Variants in IFT43 observed in about 807,000 individuals in gnomAD.
IFT43 encodes the protein intraflagellar transport protein 43 homolog.
A neutral mutation model predicts 32.3 loss-of-function variants in IFT43; 33 were observed. The observed-to-expected ratio is 1.02, with a 90% CI of 0.77 to 1.37. The LOEUF is 1.37. IFT43 is among the 40% of genes most tolerant of loss of function. IFT43 has a pLI of 0.00. For synonymous variants in IFT43, 93 were observed against 98.2 expected (o/e 0.95, Z 0.31); for missense variants, 274 against 265.9 (o/e 1.03, Z -0.21).
intron 3 of IFT43, among the ~76,000 whole-genome samples, chr14:76,030,801 A>C (rs2036496254): frequency 6.6e-6 from 1 of 151,986 alleles, no homozygotes; most frequent in South Asian, 2.1e-4. Flanking sequence ...TTCAATTTTA[A>C]GGTTTTTAAA....
At chr14:76,011,351 T>A (rs1566706135) in intron 2 of IFT43, among the ~76,000 whole-genome samples, 1 of 152,212 alleles carries the variant, frequency 6.6e-6, no homozygotes, top group African/African-American at 2.4e-5. Context: ...ATTTGTAAAC[T>A]GGAAATCAAA....
At chr14:76,020,147 G>T (rs541480382) in intron 2 of IFT43, among the ~76,000 whole-genome samples, 3 of 151,958 alleles carry the variant, frequency 2.0e-5, no homozygotes, top group Non-Finnish European at 4.4e-5. Context: ...GCTAATTTTT[G>T]TATTTTTAGT....
chr14:76,059,481 A>G, intron 5 of IFT43, 108 bp downstream of exon 5: 1 of 1,089,976 alleles, frequency 9.2e-7, no homozygotes, highest in East Asian at 2.4e-5. Flanking sequence ...AGACATTTGC[A>G]GTGGTCTTCT....
chr14:76,028,310 T>C (rs2036443303), intron 3 of IFT43, among the ~76,000 whole-genome samples: 1 of 152,208 alleles, frequency 6.6e-6, no homozygotes. Context: ...CTTGCCTGAA[T>C]CAGTTATTAT....
intron 2 of IFT43, among the ~76,000 whole-genome samples, chr14:75,999,251 A>AAATTCATTT (rs57696977): frequency 0.23 from 3,283 of 14,224 alleles, 64 homozygotes; most frequent in Non-Finnish European, 0.27. Flanking sequence ...ATATATATAT[A>AAATTCATTT]TATATATATA....
At chr14:76,056,719 C>T (rs1281698100) in intron 3 of IFT43, among the ~76,000 whole-genome samples, 1 of 152,090 alleles carries the variant, frequency 6.6e-6, no homozygotes, top group East Asian at 1.9e-4. Flanking sequence ...CTGTGTCATT[C>T]GGACAATGGG....
intron 5 of IFT43, among the ~76,000 whole-genome samples, chr14:76,060,855 TTCC>T (rs1178077556): frequency 3.6e-5 from 5 of 140,396 alleles, no homozygotes; most frequent in African/African-American, 5.3e-5. Context: ...CCTTCCTTCC[TTCC>T]TTCTTTTCTT....
At chr14:76,051,464 A>G (rs766830147) in intron 3 of IFT43, among the ~76,000 whole-genome samples, 41 of 151,972 alleles carry the variant, frequency 2.7e-4, no homozygotes, top group Non-Finnish European at 5.9e-5. Flanking sequence ...CAAGATGACA[A>G]TGGCAGATTT....
At chr14:76,039,742 C>T (rs907648055) in intron 3 of IFT43, among the ~76,000 whole-genome samples, 1 of 151,994 alleles carries the variant, frequency 6.6e-6, no homozygotes, top group African/African-American at 2.4e-5. Flanking sequence ...CTCTCCCTTC[C>T]TGACTTTCTC....
intron 2 of IFT43, among the ~76,000 whole-genome samples, chr14:76,016,066 G>A (rs758755409): frequency 7.2e-5 from 11 of 152,146 alleles, no homozygotes; most frequent in Non-Finnish European, 1.3e-4. Context: ...GCATATTCTG[G>A]ATGCTCGTTT....
intron 3 of IFT43, among the ~76,000 whole-genome samples, chr14:76,036,218 A>G (rs1415849831): frequency 1.3e-5 from 2 of 152,162 alleles, no homozygotes; most frequent in Non-Finnish European, 2.9e-5. Context: ...TCTGATATCC[A>G]GGTCATATTG....
intron 3 of IFT43, among the ~76,000 whole-genome samples, chr14:76,054,979 G>T (rs2036983562): frequency 6.6e-6 from 1 of 152,216 alleles, no homozygotes; most frequent in African/African-American, 2.4e-5. Flanking sequence ...GTGGACTGTG[G>T]TAGACTACTG....
At chr14:76,081,063 T>C (rs1469916209) in intron 5 of IFT43, among the ~76,000 whole-genome samples, 1 of 152,222 alleles carries the variant, frequency 6.6e-6, no homozygotes, top group East Asian at 1.9e-4. Context: ...ATGCTCTCTT[T>C]TTCCAGGTAC....
intron 2 of IFT43, among the ~76,000 whole-genome samples, chr14:76,005,523 C>T (rs1360630041): frequency 1.3e-5 from 2 of 152,176 alleles, no homozygotes; most frequent in African/African-American, 4.8e-5. Context: ...CACTGGGTTT[C>T]TTGGAGTCTC....
intron 5 of IFT43, chr14:76,059,679 C>T (rs1340807228): frequency 1.6e-5 from 7 of 427,988 alleles, no homozygotes; most frequent in Non-Finnish European, 3.1e-5. Flanking sequence ...CCATGCTCCT[C>T]TAACCTCCTT....
chr14:76,066,864 G>A (rs987683165), intron 5 of IFT43, among the ~76,000 whole-genome samples: 2 of 152,110 alleles, frequency 1.3e-5, no homozygotes. Flanking sequence ...CTAAGGTCAG[G>A]GCCCCTTCCC....
intron 5 of IFT43, among the ~76,000 whole-genome samples, chr14:76,066,714 C>G (rs2037229873): frequency 6.6e-6 from 1 of 152,222 alleles, no homozygotes; most frequent in Non-Finnish European, 1.5e-5. Context: ...AAAATCACAT[C>G]CAGGCTCTTT....
chr14:76,070,800 A>G lies in IFT43; in HGVS notation c.295+11427A>G, dbSNP rs927129728. On this transcript the variant is annotated intron_variant, in intron 5 of 8. Transcript: ENST00000314067. ...CCTCCCTCTTGCTCCTGCTTTCTCC[A>G]TGTGATGTGCCTGCTCCCCCTTCAC... is the stretch of plus-strand genomic sequence containing the variant. Among the ~76,000 whole-genome samples, 4 of 150,910 alleles carry G rather than the reference A, an allele frequency of 2.7e-5. 1 individual carries two copies. Among genetic ancestry groups the G allele is most frequent in the Admixed American group, 2.0e-4 (3 of 15,120 alleles).
At chr14:76,056,397 G>A (rs2037016191) in intron 3 of IFT43, among the ~76,000 whole-genome samples, 1 of 152,238 alleles carries the variant, frequency 6.6e-6, no homozygotes, top group African/African-American at 2.4e-5. Context: ...TGTGGGCTCA[G>A]CAGCAATTAA....
Sources: allele counts gnomAD v4.1 joint callset (sites outside exome capture counted in the v4.1 genomes callset), GRCh38; gene constraint gnomAD v4.1.1; transcripts MANE v1.5; gene names NCBI Gene and HGNC (gene_info 2026-07-23, HGNC 2026-07-21).